ARHGEF17: variants seen among roughly 807,000 people sequenced by gnomAD.
The protein encoded by ARHGEF17 is Rho guanine nucleotide exchange factor 17, also known as 164 kDa Rho-specific guanine-nucleotide exchange factor.
Under a neutral mutation model 174.0 loss-of-function variants are expected in ARHGEF17, and 80 were observed. The ratio of observed to expected loss-of-function variants is 0.46; its 90% CI spans 0.38 to 0.55. ARHGEF17 has a LOEUF of 0.55. ARHGEF17 is among the 20% of genes least tolerant of loss of function. The pLI is 0.00. For synonymous variants in ARHGEF17, 1,311 were observed against 1,189.1 expected (o/e 1.10, Z -2.11); for missense variants, 2,886 against 2,839.7 (o/e 1.02, Z -0.37).
chr11:73,332,383 G>A (rs1036402714), intron 1 of ARHGEF17, among the ~76,000 whole-genome samples: 13 of 139,448 alleles, frequency 9.3e-5, no homozygotes, highest in Non-Finnish European at 2.1e-4. Context: ...GTGTGTGTGT[G>A]TGTGTGTGTG....
chr11:73,331,224 G>A (rs1437367028), intron 1 of ARHGEF17, among the ~76,000 whole-genome samples: 2 of 152,214 alleles, frequency 1.3e-5, no homozygotes, highest in African/African-American at 4.8e-5. Flanking sequence ...ATCAAAGGGA[G>A]CACTGGCCTT....
intron 1 of ARHGEF17, among the ~76,000 whole-genome samples, chr11:73,345,463 C>T (rs1452177040): frequency 6.6e-6 from 1 of 152,000 alleles, no homozygotes; most frequent in Non-Finnish European, 1.5e-5. Context: ...GCCCCTGAGT[C>T]CCTGGTCAGA....
At chr11:73,347,755 A>G (rs1865488660) in intron 2 of ARHGEF17, among the ~76,000 whole-genome samples, 1 of 152,204 alleles carries the variant, frequency 6.6e-6, no homozygotes, top group South Asian at 2.1e-4. Context: ...GGCCTGATTC[A>G]TGCTTCATGA....
chr11:73,363,559 C>A, intron 15 of ARHGEF17, 104 bp downstream of exon 15: 1 of 1,524,580 alleles, frequency 6.6e-7, no homozygotes, highest in South Asian at 1.3e-5. Context: ...CTTTGGGTCA[C>A]ACCTCAGGGG....
intron 3 of ARHGEF17, 49 bp from the exon 4 acceptor site, chr11:73,355,484 T>A (rs1281673396): frequency 4.0e-6 from 5 of 1,242,474 alleles, no homozygotes; most frequent in African/African-American, 1.5e-5. Flanking sequence ...CAGGGTGAGG[T>A]GGGGTGAGGG....
chr11:73,314,009 G>C (rs879632518), intron 1 of ARHGEF17, among the ~76,000 whole-genome samples: 1 of 152,196 alleles, frequency 6.6e-6, no homozygotes, highest in Admixed American at 6.5e-5. Context: ...TAACCTGGTG[G>C]ACTGCAGTAG....
chr11:73,310,076 T>C lies in ARHGEF17; in HGVS notation c.1438T>C (p.Ser480Pro), dbSNP rs768684913. 1.9e-6 allele frequency: 3 copies of C among 1,614,112 alleles called. No individual in the cohort carries two copies. In the South Asian group the frequency reaches 3.3e-5, roughly 18 times the overall value. Residue 480 changes from serine (S) to proline (P), a missense_variant, in exon 1 of 21, where the codon TCA (serine) becomes CCA (proline). Coordinates refer to ENST00000263674, the MANE Select transcript of ARHGEF17 (RefSeq NM_014786.4). ...ETLTLLSFLR[S>P]DLSELRVRKP... is the part of the protein sequence containing the mutation. ...CCTGACGCTTCTCAGTTTCCTGCGC[T>C]CAGACCTTTCAGAGCTGAGGGTCCG...
At position 73,366,146 on chromosome 11, in the gene ARHGEF17, C is replaced by T. The variant is rs60109300; in HGVS notation, c.5995+199C>T. Among the ~76,000 whole-genome samples the T allele has an allele frequency of 2.1e-3, 326 of 151,818 alleles. 1 individual carries two copies. The highest frequency in any genetic ancestry group is 7.7e-3 in the African/African-American group (318 of 41,348). On this transcript the variant is annotated intron_variant, in intron 20 of 20. Transcript: ENST00000263674. ...GTGTGTGTGTGTGTGTGTGTGCGCA[C>T]CTGCATGTGTTGTGTGTATATAAAG...
Position 73,308,496 on chromosome 11 carries a change from C to A in ARHGEF17, c.-143C>A. On this transcript the variant is annotated 5_prime_UTR_variant, in exon 1 of 21. Coordinates refer to ENST00000263674, the MANE Select transcript of ARHGEF17 (RefSeq NM_014786.4). The stretch of plus-strand genomic sequence containing the variant: ...GAAACTTGAGCCGCGGCAGAGAAAC[C>A]TCTGCTCCGGTCTCTGCGTCCTCTT... 1.3e-6 allele frequency: 1 copy of A among 741,276 alleles called. No homozygotes were observed. Among genetic ancestry groups the A allele is most frequent in the Non-Finnish European group, 1.9e-6 (1 of 518,458 alleles). The allele number at this position is 741,276 out of a possible 1,614,324, so 45.9% of individuals were successfully genotyped here.
chr11:73,366,070 A>G, intron 20 of ARHGEF17, 123 bp downstream of exon 20: 12 of 1,297,166 alleles, frequency 9.3e-6, no homozygotes, highest in Non-Finnish European at 1.3e-5. Flanking sequence ...GAGGTGGCAT[A>G]TGTGACAGGA....
At chr11:73,364,300 C>T (rs1173328197) in intron 17 of ARHGEF17, 61 bp downstream of exon 17, 4 of 1,606,526 alleles carry the variant, frequency 2.5e-6, no homozygotes, top group Non-Finnish European at 3.4e-6. Flanking sequence ...GGGGCTCTCT[C>T]CTGGAGATGT....
Position 73,310,487 on chromosome 11 carries a change from C to G in ARHGEF17, c.1849C>G (p.Pro617Ala), listed in dbSNP as rs567330760. 3.7e-6 allele frequency: 6 copies of G among 1,613,974 alleles called. No individual in the cohort carries two copies. Among genetic ancestry groups the G allele is most frequent in the East Asian group, 2.2e-5 (1 of 44,882 alleles). ...AQQDDGSDAP[P>A]GSPDWAGDVT... ...ACAAGATGATGGAAGCGATGCCCCC[C>G]CTGGAAGCCCTGACTGGGCAGGGGA... The change falls in exon 1 of 21, where the codon CCT (proline) becomes GCT (alanine). Residue 617 changes from proline to alanine, a missense_variant. By Grantham distance (27) the Pro-to-Ala change is conservative (BLOSUM62 -1). Around this residue, in one of 4 missense-constraint regions of ARHGEF17, gnomAD observed 1,728 missense variants for 1,461.2 expected, o/e 1.18. Coordinates refer to ENST00000263674, the MANE Select transcript of ARHGEF17 (RefSeq NM_014786.4).
chr11:73,337,191 C>T (rs939711737), intron 1 of ARHGEF17, among the ~76,000 whole-genome samples: 37 of 151,990 alleles, frequency 2.4e-4, no homozygotes, highest in African/African-American at 7.7e-4. Context: ...TTTGGGAGGC[C>T]GAGGCAGGAA....
At position 73,365,529 on chromosome 11, in the gene ARHGEF17, T is replaced by C; in HGVS notation, c.5690T>C (p.Val1897Ala). ...HPDTFEQLAE[V>A]DVTPPVHRML... ...GACACCTTTGAGCAGCTGGCAGAAG[T>C]AGACGTCACTCCTCCCGTGCACAGG... The change falls in exon 19 of 21, where the codon GTA (valine) becomes GCA (alanine). Residue 1897 changes from valine (V) to alanine (A), a missense_variant. Val to Ala is a moderately conservative substitution (Grantham distance 64). Around this residue, in one of 4 missense-constraint regions of ARHGEF17, gnomAD observed 329 missense variants for 435.2 expected, o/e 0.76. Coordinates refer to ENST00000263674, the MANE Select transcript of ARHGEF17 (RefSeq NM_014786.4). This position sits in a 1 kb window ranked among gnomAD's most constrained non-coding sequence, Gnocchi z 4.9. 1 of 1,614,134 alleles carries C rather than the reference T, an allele frequency of 6.2e-7. No homozygotes were observed. The highest frequency in any genetic ancestry group is 8.5e-7 in the Non-Finnish European group (1 of 1,180,024).
intron 16 of ARHGEF17, 91 bp from the exon 17 acceptor site, chr11:73,364,081 C>T: frequency 7.4e-7 from 1 of 1,359,458 alleles, no homozygotes. Flanking sequence ...CTCTCGGGAG[C>T]CATACCCATT....
rs1294624822 is a variant in ARHGEF17, at chr11:73,365,654, G to T, written c.5726-24G>T. The T allele has an allele frequency of 1.2e-6, 2 of 1,609,536 alleles. No homozygotes were observed. Among genetic ancestry groups the T allele is most frequent in the South Asian group, 1.1e-5 (1 of 91,042 alleles). Reference sequence around the variant, plus strand: ...GAGCCAGGGCCAGAATTCAGCCCCAGCTGTGGTCTGTCTCCCACCCCAGGC... The same window carrying T: ...GAGCCAGGGCCAGAATTCAGCCCCATCTGTGGTCTGTCTCCCACCCCAGGC... On this transcript the variant is annotated intron_variant, in intron 19 of 20. Transcript: ENST00000263674. This position sits in a 1 kb window ranked among gnomAD's most constrained non-coding sequence, Gnocchi z 4.9.
rs939030434 is a variant in ARHGEF17 at position 73,368,844 on chromosome 11, C to T, written c.*1064C>T. 1 of 152,322 alleles carries T rather than the reference C, an allele frequency of 6.6e-6. No homozygotes were observed. Among genetic ancestry groups the T allele is most frequent in the African/African-American group, 2.4e-5 (1 of 41,416 alleles). 9.4% of individuals were successfully genotyped at this position (152,322 alleles called of 1,614,324 possible). A position where few individuals can be genotyped will look rare whatever the true frequency, so the allele number is the denominator to read the frequency against. Reference sequence around the variant, plus strand: ...GAGAAGGCTCCCACTTGAGAGCAGCCTCTACCTGACCCCCTGGACCACAGA... The same window carrying T: ...GAGAAGGCTCCCACTTGAGAGCAGCTTCTACCTGACCCCCTGGACCACAGA... On this transcript the variant is annotated 3_prime_UTR_variant, in exon 21 of 21. Transcript: ENST00000263674.
intron 1 of ARHGEF17, among the ~76,000 whole-genome samples, chr11:73,336,377 T>C (rs1245801948): frequency 6.6e-6 from 1 of 152,124 alleles, no homozygotes; most frequent in Non-Finnish European, 1.5e-5. Flanking sequence ...AAGGATACAG[T>C]GAGCACACCT....
At chr11:73,356,125 G>A in intron 5 of ARHGEF17, 50 bp from the exon 6 acceptor site, 2 of 1,604,764 alleles carry the variant, frequency 1.2e-6, no homozygotes, top group Middle Eastern at 1.7e-4. Flanking sequence ...AGCAGTCTGG[G>A]GCCCCAGGGG....
Sources: allele counts gnomAD v4.1 joint callset (sites outside exome capture counted in the v4.1 genomes callset), GRCh38; gene constraint gnomAD v4.1.1; regional missense constraint gnomAD v4.1.1; non-coding constraint Gnocchi (gnomAD v3.1); transcripts MANE v1.5; gene names NCBI Gene and HGNC (gene_info 2026-07-23, HGNC 2026-07-21).